Variants in CDC42BPB observed in about 807,000 individuals in gnomAD.
CDC42BPB encodes CDC42 binding protein kinase beta.
A neutral mutation model predicts 214.9 loss-of-function variants in CDC42BPB; 37 were observed. That is an observed-to-expected ratio of 0.17 (90% CI 0.13 to 0.23). CDC42BPB has a LOEUF of 0.23. Among genes scored for constraint, CDC42BPB ranks in the 10% least tolerant of loss-of-function variants. The probability of loss-of-function intolerance (pLI) is 1.00; values close to 1 mark genes in which losing one functional copy is unlikely to be tolerated. For missense variants in CDC42BPB, 1,694 were observed against 2,227.0 expected (o/e 0.76, Z 4.82); for synonymous variants, 931 against 884.0 (o/e 1.05, Z -0.94).
Position 102,972,106 on chromosome 14 carries a change from G to A in CDC42BPB, c.1697C>T (p.Ala566Val), listed in dbSNP as rs200151871. 3.1e-6 allele frequency: 5 copies of A among 1,614,266 alleles called. No homozygotes were observed. The highest frequency in any genetic ancestry group is 4.2e-6 in the Non-Finnish European group (5 of 1,180,040). ...CAGGGCCAGCTTTCGCTGCTGATGG[G>A]CATCTTTGAGTTCCTTGGCCTGGGA... The part of the protein sequence containing the change: ...LKSQAKELKD[A>V]HQQRKLALQE... Residue 566 changes from alanine to valine, a missense_variant, in exon 13 of 37, where the codon GCC becomes GTC. Transcript: ENST00000361246.
At chr14:103,018,689 G>A (rs1274126294) in intron 1 of CDC42BPB, among the ~76,000 whole-genome samples, 2 of 152,272 alleles carry the variant, frequency 1.3e-5, no homozygotes, top group South Asian at 4.1e-4. Flanking sequence ...AGGGGAGTAG[G>A]GCCTGGGGCA....
intron 18 of CDC42BPB, among the ~76,000 whole-genome samples, chr14:102,965,794 T>C (rs1230329728): frequency 2.0e-5 from 3 of 151,914 alleles, no homozygotes; most frequent in Admixed American, 2.0e-4. Flanking sequence ...CCGTCTCTAC[T>C]AAAATACAAA....
intron 1 of CDC42BPB, among the ~76,000 whole-genome samples, chr14:103,014,939 C>T (rs773099195): frequency 2.7e-4 from 41 of 152,226 alleles, no homozygotes; most frequent in African/African-American, 8.4e-4. Flanking sequence ...GTGCCCGGAA[C>T]GTCCTCTCTT....
At chr14:103,054,524 G>C (rs1421190693) in intron 1 of CDC42BPB, among the ~76,000 whole-genome samples, 1 of 152,156 alleles carries the variant, frequency 6.6e-6, no homozygotes, top group Non-Finnish European at 1.5e-5. Context: ...ACATTATTCT[G>C]TGCTTTCCAA....
At chr14:103,016,674 AG>A (rs1410439533) in intron 1 of CDC42BPB, among the ~76,000 whole-genome samples, 1 of 152,148 alleles carries the variant, frequency 6.6e-6, no homozygotes, top group African/African-American at 2.4e-5. Context: ...GTTATAGATA[AG>A]GAAGAAAACG....
intron 1 of CDC42BPB, among the ~76,000 whole-genome samples, chr14:103,051,852 G>GT (rs202063784): frequency 0.072 from 10,578 of 147,654 alleles, 831 homozygotes; most frequent in African/African-American, 0.2. Context: ...GAGGTTTTTT[G>GT]TTTTTTTTTT....
intron 28 of CDC42BPB, 123 bp downstream of exon 28, chr14:102,946,345 G>T: frequency 9.3e-7 from 1 of 1,073,944 alleles, no homozygotes; most frequent in Non-Finnish European, 1.3e-6. Context: ...TAACATGCAT[G>T]GAGAAACTGT....
At chr14:102,947,571 G>A (rs796121247) in intron 27 of CDC42BPB, 150 bp downstream of exon 27, 59 of 709,316 alleles carry the variant, frequency 8.3e-5, no homozygotes, top group Middle Eastern at 4.0e-4. Flanking sequence ...TGGCCAGGAC[G>A]GGACGCACAA....
intron 9 of CDC42BPB, among the ~76,000 whole-genome samples, chr14:102,977,868 C>T (rs1893828234): frequency 6.6e-6 from 1 of 152,160 alleles, no homozygotes; most frequent in Non-Finnish European, 1.5e-5. Context: ...GAAGAACATA[C>T]AACAAAGGCC....
intron 20 of CDC42BPB, among the ~76,000 whole-genome samples, chr14:102,960,921 A>G (rs1409198956): frequency 6.6e-6 from 1 of 152,060 alleles, no homozygotes; most frequent in Non-Finnish European, 1.5e-5. Flanking sequence ...GCACTTTGGG[A>G]GACACGGCAG....
chr14:102,976,266 G>A (rs779589582), intron 9 of CDC42BPB: 254 of 941,168 alleles, frequency 2.7e-4, no homozygotes, highest in Non-Finnish European at 3.2e-4. Flanking sequence ...CAAAGAAAGC[G>A]CCTCTGCAAA....
chr14:102,973,178 C>T (rs142261732), intron 12 of CDC42BPB, among the ~76,000 whole-genome samples: 30 of 152,268 alleles, frequency 2.0e-4, no homozygotes, highest in South Asian at 6.2e-4. Flanking sequence ...TCTCTGGGCC[C>T]GCTGGGAGGT....
intron 5 of CDC42BPB, among the ~76,000 whole-genome samples, chr14:102,994,553 T>C: frequency 6.6e-6 from 1 of 152,204 alleles, no homozygotes; most frequent in East Asian, 1.9e-4. Context: ...GGACTGCCTA[T>C]GTCCATTCTC....
intron 1 of CDC42BPB, among the ~76,000 whole-genome samples, chr14:103,045,534 A>C (rs1177247032): frequency 6.6e-6 from 1 of 152,006 alleles, no homozygotes; most frequent in African/African-American, 2.4e-5. Flanking sequence ...TTCCACTTTC[A>C]ACACTTCCTT....
chr14:102,946,931 T>C, intron 27 of CDC42BPB: 2 of 851,584 alleles, frequency 2.3e-6, no homozygotes, highest in Non-Finnish European at 2.8e-6. Context: ...AATTCTGCTT[T>C]TGTCAAAACT....
At chr14:102,993,365 G>A (rs1207864516) in intron 5 of CDC42BPB, among the ~76,000 whole-genome samples, 3 of 152,204 alleles carry the variant, frequency 2.0e-5, no homozygotes, top group Non-Finnish European at 1.5e-5. Context: ...TTCTCAATGA[G>A]CCGCTCCACA....
intron 36 of CDC42BPB, among the ~76,000 whole-genome samples, chr14:102,934,740 G>C (rs111826856): frequency 6.6e-6 from 1 of 151,770 alleles, no homozygotes; most frequent in African/African-American, 2.4e-5. Flanking sequence ...GGCCGGGTGC[G>C]GTGGCTCACA....
chr14:102,978,873 A>G (rs1893874662), intron 8 of CDC42BPB, among the ~76,000 whole-genome samples: 1 of 152,166 alleles, frequency 6.6e-6, no homozygotes, highest in Non-Finnish European at 1.5e-5. Flanking sequence ...TGGATGTGGC[A>G]GCACGTGCCT....
Position 102,981,904 on chromosome 14 carries a change from T to C in CDC42BPB, c.892-883A>G, listed in dbSNP as rs972863817. ...GATGCCACGTATCTAAACACACACA[T>C]GCGCACGCACACACACGAGCTGAGG... is the stretch of plus-strand genomic sequence containing the variant. On this transcript the variant is annotated intron_variant, in intron 7 of 36. Coordinates refer to ENST00000361246, the MANE Select transcript of CDC42BPB (RefSeq NM_006035.4). Among the ~76,000 whole-genome samples, 248 of 152,268 alleles carry C rather than the reference T, an allele frequency of 1.6e-3. 1 individual carries two copies. Among genetic ancestry groups the C allele is most frequent in the African/African-American group, 5.7e-3 (236 of 41,558 alleles).
Sources: allele counts gnomAD v4.1 joint callset (sites outside exome capture counted in the v4.1 genomes callset), GRCh38; gene constraint gnomAD v4.1.1; transcripts MANE v1.5; gene names NCBI Gene and HGNC (gene_info 2026-07-23, HGNC 2026-07-21).